The following ZNF786 variants were observed in gnomAD, a reference collection of about 807,000 sequenced individuals.
ZNF786 encodes zinc finger protein 786.
Under a neutral mutation model 63.1 loss-of-function variants are expected in ZNF786, and 56 were observed. The ratio of observed to expected loss-of-function variants is 0.89; its 90% confidence interval spans 0.72 to 1.11. ZNF786 has a LOEUF of 1.11. Among genes scored for constraint, ZNF786 ranks in the 50% least tolerant of loss-of-function variants. The pLI, the probability that ZNF786 is intolerant of heterozygous loss-of-function variation, is 0.00. For missense variants in ZNF786, 1,213 were observed against 1,041.8 expected, an observed-to-expected ratio of 1.16 and a Z score of -2.26; for synonymous variants, 485 against 406.9, an observed-to-expected ratio of 1.19 and a Z score of -2.31.
chr7:149,080,286 G>A (rs1170593192), intron 2 of ZNF786, among the ~76,000 whole-genome samples: 4 of 152,076 alleles, frequency 2.6e-5, no homozygotes, highest in African/African-American at 7.2e-5. Flanking sequence ...ATGAATGTGC[G>A]CTAGGTGTGC....
At position 149,071,955 on chromosome 7, in the gene ZNF786, C is replaced by G. The variant is rs556776294; in HGVS notation, c.817G>C (p.Gly273Arg). The change falls in exon 4 of 4, where the codon GGT becomes CGT. Residue 273 changes from glycine to arginine, a missense_variant. Transcript: ENST00000491431. ...TGRGPFRNAD[G>R]EMCFRHELTH... The stretch of plus-strand genomic sequence containing the variant: ...AGCTCGTGTCGGAAGCACATTTCAC[C>G]GTCAGCGTTCCGGAAGGGGCCCCTC... 5.1e-5 allele frequency: 83 copies of G among 1,611,712 alleles called. No homozygotes were observed. The highest frequency in any genetic ancestry group is 3.7e-4 in the Admixed American group (22 of 60,002).
chr7:149,082,771 C>T (rs1194561101), intron 1 of ZNF786, among the ~76,000 whole-genome samples: 33 of 151,364 alleles, frequency 2.2e-4, no homozygotes, highest in South Asian at 2.1e-4. Flanking sequence ...TTTGTAGAGA[C>T]GGGGTTTCAC....
Position 149,074,483 on chromosome 7 carries a change from G to C in ZNF786, c.201C>G (p.Pro67=). ...LISWIEHGGE[P]FRKWRESQKS... Reference sequence around the variant, plus strand: ...TCTGTGATTCTCTCCATTTCCTGAAGGGCTCTCCCCCGTGTTCAATCCAGG... The same window carrying C: ...TCTGTGATTCTCTCCATTTCCTGAACGGCTCTCCCCCGTGTTCAATCCAGG... Residue 67 remains proline, a synonymous_variant, in exon 3 of 4, where the codon CCC becomes CCG. Coordinates refer to ENST00000491431, the MANE Select transcript of ZNF786 (RefSeq NM_152411.4). 1 of 1,613,848 alleles carries C rather than the reference G, an allele frequency of 6.2e-7. No individual in the cohort carries two copies. Among genetic ancestry groups the C allele is most frequent in the Non-Finnish European group, 8.5e-7 (1 of 1,179,870 alleles).
intron 2 of ZNF786, among the ~76,000 whole-genome samples, chr7:149,077,520 C>T (rs370298822): frequency 1.1e-4 from 16 of 151,950 alleles, no homozygotes; most frequent in African/African-American, 3.9e-4. Flanking sequence ...CCCAGCTACT[C>T]GGGAGGCTGA....
Position 149,079,694 on chromosome 7 carries a change from C to G in ZNF786, c.145+897G>C, listed in dbSNP as rs1245669079. ...CAAGTGATTCTCCTGCCTCAGTCTC[C>G]TGAGTAGCTGGGACTACAGGCGCCC... On this transcript the variant is annotated intron_variant, in intron 2 of 3. Coordinates refer to ENST00000491431, the MANE Select transcript of ZNF786 (RefSeq NM_152411.4). Among the ~76,000 whole-genome samples the G allele has an allele frequency of 3.4e-5, 5 of 149,114 alleles. No homozygotes were observed. The East Asian group carries it at 1.1e-3, about 32-fold the overall frequency.
chr7:149,088,663 A>G (rs1388731672), intron 1 of ZNF786, among the ~76,000 whole-genome samples: 1 of 152,188 alleles, frequency 6.6e-6, no homozygotes, highest in Non-Finnish European at 1.5e-5. Context: ...CCTAGTATTC[A>G]CCACTGACTT....
chr7:149,071,199 G>T lies in ZNF786; in HGVS notation c.1573C>A (p.Arg525Ser), dbSNP rs372708682. 6.2e-6 allele frequency: 10 copies of T among 1,610,846 alleles called. No homozygotes were observed. The East Asian group carries it at 1.6e-4, about 25-fold the overall frequency. ...CCGCTGTGCACTCTCAGGTGCTCAC[G>T]GAGCTTGCACTGGTGGGTGAAGCCT... ...GRGFTHQCKL[R>S]EHLRVHSGER... is the part of the protein sequence containing the mutation. The change falls in exon 4 of 4, where the codon CGT (arginine) becomes AGT (serine). Residue 525 changes from arginine to serine, a missense_variant. Transcript: ENST00000491431.
rs537257696 is a variant in ZNF786 at position 149,071,942 on chromosome 7, A to C, written c.830T>G (p.Phe277Cys). Residue 277 changes from phenylalanine (F) to cysteine (C), a missense_variant, in exon 4 of 4, where the codon TTC (phenylalanine) becomes TGC (cysteine). Physicochemically the swap from Phe to Cys is radical, Grantham distance 205 (BLOSUM62 -2). Coordinates refer to ENST00000491431, the MANE Select transcript of ZNF786 (RefSeq NM_152411.4). ...PFRNADGEMC[F>C]RHELTHPSHR... ...GCTGGGATGGGTCAGCTCGTGTCGG[A>C]AGCACATTTCACCGTCAGCGTTCCG... The C allele has an allele frequency of 6.2e-6, 10 of 1,610,808 alleles. No individual in the cohort carries two copies. The South Asian group carries it at 9.9e-5, about 16-fold the overall frequency.
rs1394750503 is a variant in ZNF786, at chr7:149,071,578, C to G, written c.1194G>C (p.Gln398His). The G allele has an allele frequency of 1.2e-6, 2 of 1,611,110 alleles. No individual in the cohort carries two copies. Among genetic ancestry groups the G allele is most frequent in the East Asian group, 2.2e-5 (1 of 44,832 alleles). Residue 398 changes from glutamine to histidine, a missense_variant, in exon 4 of 4, where the codon CAG (glutamine) becomes CAC (histidine). By Grantham distance (24) the Gln-to-His change is conservative. Transcript: ENST00000491431. The stretch of plus-strand genomic sequence containing the variant: ...GGAAGCGCTTGGTGCAATGCGCACA[C>G]TGGAAGGGCTTTTCTCCAGTATGCG... ...CRAHTGEKPF[Q>H]CAHCTKRFRL...
At position 149,072,007 on chromosome 7, in the gene ZNF786, C is replaced by T; in HGVS notation, c.765G>A (p.Leu255=). The T allele has an allele frequency of 6.2e-7, 1 of 1,613,026 alleles. No homozygotes were observed. Among genetic ancestry groups the T allele is most frequent in the East Asian group, 2.2e-5 (1 of 44,876 alleles). ...CGKSFRRKLC[L]LRHLAAHTGR... ...CCGTGTGGGCCGCCAGATGGCGCAGCAGACACAGCTTCCGGCGGAAGCTCT... is the reference window on the plus strand; with the variant it reads ...CCGTGTGGGCCGCCAGATGGCGCAGTAGACACAGCTTCCGGCGGAAGCTCT... Residue 255 remains leucine, a synonymous_variant, in exon 4 of 4, where the codon CTG becomes CTA. Transcript: ENST00000491431.
At chr7:149,083,639 G>C (rs889835974) in intron 1 of ZNF786, among the ~76,000 whole-genome samples, 22 of 152,136 alleles carry the variant, frequency 1.4e-4, no homozygotes, top group African/African-American at 5.3e-4. Flanking sequence ...TCATCACCCA[G>C]GTAATAAGCA....
chr7:149,077,358 T>A (rs1267445906), intron 2 of ZNF786, among the ~76,000 whole-genome samples: 1 of 152,220 alleles, frequency 6.6e-6, no homozygotes, highest in Non-Finnish European at 1.5e-5. Flanking sequence ...CCAGGCGTGG[T>A]GACTCACGCC....
chr7:149,081,359 C>T (rs1248004297), intron 1 of ZNF786, among the ~76,000 whole-genome samples: 1 of 147,380 alleles, frequency 6.8e-6, no homozygotes, highest in Non-Finnish European at 1.5e-5. Flanking sequence ...TTGCTTGAAC[C>T]TAGGAGGCAG....
At chr7:149,076,899 T>C (rs1044862386) in intron 2 of ZNF786, among the ~76,000 whole-genome samples, 1 of 152,124 alleles carries the variant, frequency 6.6e-6, no homozygotes, top group African/African-American at 2.4e-5. Context: ...CTGGCATGCC[T>C]CTATGAATAC....
chr7:149,090,563 G>GT, intron 1 of ZNF786, 60 bp downstream of exon 1: 1 of 1,488,838 alleles, frequency 6.7e-7, no homozygotes, highest in Non-Finnish European at 9.1e-7. Context: ...GGGCGAGCCC[G>GT]GAACCCGAGG....
chr7:149,080,835 G>T, intron 1 of ZNF786, 118 bp from the exon 2 acceptor site: 1 of 1,240,020 alleles, frequency 8.1e-7, no homozygotes, highest in Non-Finnish European at 1.1e-6. Context: ...TTGTTCAGCA[G>T]CTTCTTCCTG....
At chr7:149,089,331 TTGAGATA>T (rs1166762521) in intron 1 of ZNF786, among the ~76,000 whole-genome samples, 1 of 151,674 alleles carries the variant, frequency 6.6e-6, no homozygotes, top group Non-Finnish European at 1.5e-5. Flanking sequence ...TTGTTTGTTT[TTGAGATA>T]GAGTCTCGCT....
chr7:149,075,712 G>A (rs945971545), intron 2 of ZNF786, among the ~76,000 whole-genome samples: 37 of 94,878 alleles, frequency 3.9e-4, no homozygotes, highest in Non-Finnish European at 6.6e-4. Context: ...CTCCCAGGCT[G>A]AAGTGCAGTG....
At chr7:149,082,585 AT>A (rs66753454) in intron 1 of ZNF786, 5,469 of 583,604 alleles carry the variant, frequency 9.4e-3, no homozygotes, top group Middle Eastern at 0.011. Flanking sequence ...TCCAACTTAA[AT>A]TTTTTTTTTT....
Sources: allele counts gnomAD v4.1 joint callset (sites outside exome capture counted in the v4.1 genomes callset), GRCh38; gene constraint gnomAD v4.1.1; transcripts MANE v1.5; gene names NCBI Gene and HGNC (gene_info 2026-07-23, HGNC 2026-07-21).